ADD2: variants seen among roughly 807,000 people sequenced by gnomAD.
ADD2 encodes the protein adducin 2.
In ADD2, 23 loss-of-function variants were observed where a neutral mutation model predicts 83.0. The ratio of observed to expected loss-of-function variants is 0.28; its 90% confidence interval spans 0.20 to 0.39. ADD2 has a LOEUF of 0.39. ADD2 is among the 10% of genes least tolerant of loss of function. ADD2 has a pLI of 1.00. For missense variants in ADD2, 758 were observed against 944.9 expected, an observed-to-expected ratio of 0.80 and a Z score of 2.59; for synonymous variants, 375 against 375.4, an observed-to-expected ratio of 1.00 and a Z score of 0.01.
At chr2:70,746,995 A>G (rs1277082806) in intron 1 of ADD2, among the ~76,000 whole-genome samples, 2 of 150,094 alleles carry the variant, frequency 1.3e-5, no homozygotes, top group African/African-American at 4.9e-5. Flanking sequence ...AGGAGCTAAC[A>G]GTCCAATATG....
intron 1 of ADD2, among the ~76,000 whole-genome samples, chr2:70,714,036 G>C (rs1375966554): frequency 6.6e-6 from 1 of 151,898 alleles, no homozygotes; most frequent in Non-Finnish European, 1.5e-5. Flanking sequence ...GCTAATACCT[G>C]GATAAAAGGT....
intron 4 of ADD2, 55 bp downstream of exon 4, chr2:70,704,266 C>CCCCCCCCCCCCCCCCCCCCA: frequency 3.1e-6 from 2 of 650,836 alleles, no homozygotes; most frequent in Non-Finnish European, 5.1e-6. Context: ...CCTCTCTTCC[C>CCCCCCCCCCCCCCCCCCCCA]CACCCCACCC....
chr2:70,737,030 A>G (rs1476373296), intron 1 of ADD2, among the ~76,000 whole-genome samples: 1 of 152,142 alleles, frequency 6.6e-6, no homozygotes, highest in Non-Finnish European at 1.5e-5. Flanking sequence ...ATGAGATACC[A>G]TCTCACACCA....
At chr2:70,757,161 T>C (rs1298139147) in intron 1 of ADD2, among the ~76,000 whole-genome samples, 1 of 152,124 alleles carries the variant, frequency 6.6e-6, no homozygotes, top group Non-Finnish European at 1.5e-5. Flanking sequence ...AGAAAGTCAC[T>C]AGACAATGAT....
In ADD2 at chr2:70,768,042, C is replaced by G; in HGVS notation, c.-310G>C. 7.0e-7 allele frequency: 1 copy of G among 1,437,318 alleles called. No individual in the cohort carries two copies. Among genetic ancestry groups the G allele is most frequent in the Non-Finnish European group, 9.3e-7 (1 of 1,073,632 alleles). 89.0% of individuals were successfully genotyped at this position (1,437,318 alleles called of 1,614,324 possible). On this transcript the variant is annotated 5_prime_UTR_variant, in exon 1 of 16. Coordinates refer to ENST00000264436, the MANE Select transcript of ADD2 (RefSeq NM_001617.4). ...CTGCAGCCCGCGCTCGTCAGAGCTG[C>G]TGGGAGATCCCCCAGCAGTGCAGCG...
At position 70,706,506 on chromosome 2, in the gene ADD2, A is replaced by C. The variant is rs73939914; in HGVS notation, c.-34-64T>G. On this transcript the variant is annotated intron_variant, in intron 2 of 15. Coordinates refer to ENST00000264436, the MANE Select transcript of ADD2 (RefSeq NM_001617.4). This position sits in a 1 kb window ranked among gnomAD's most constrained non-coding sequence, Gnocchi z 5.0. ...CTCCCCATCGGGGTACACGTTTCTCAGAGCACAGGGCTAGGTTCAGTTGGA... is the reference window on the plus strand; with the variant it reads ...CTCCCCATCGGGGTACACGTTTCTCCGAGCACAGGGCTAGGTTCAGTTGGA... The C allele has an allele frequency of 2.6e-3, 3,693 of 1,406,174 alleles. 84 individuals carry two copies. In the African/African-American group the frequency reaches 0.047, roughly 18 times the overall value. The allele number at this position is 1,406,174 out of a possible 1,614,324, so 87.1% of individuals were successfully genotyped here.
chr2:70,672,364 G>T (rs1553367225), intron 15 of ADD2, among the ~76,000 whole-genome samples: 1 of 152,220 alleles, frequency 6.6e-6, no homozygotes, highest in Non-Finnish European at 1.5e-5. Context: ...ACTTTTCTGA[G>T]TTTTCCTTAA....
At chr2:70,699,295 T>G (rs1671465648) in intron 4 of ADD2, among the ~76,000 whole-genome samples, 1 of 152,000 alleles carries the variant, frequency 6.6e-6, no homozygotes, top group African/African-American at 2.4e-5. Flanking sequence ...GGAAAGTTCA[T>G]ATAAAGAAAA....
At chr2:70,761,873 A>G (rs1675123642) in intron 1 of ADD2, among the ~76,000 whole-genome samples, 1 of 151,332 alleles carries the variant, frequency 6.6e-6, no homozygotes, top group Non-Finnish European at 1.5e-5. Flanking sequence ...GGGTTTCACC[A>G]TATTAGCCAG....
chr2:70,700,903 T>A (rs1318546370), intron 4 of ADD2, among the ~76,000 whole-genome samples: 3 of 151,946 alleles, frequency 2.0e-5, no homozygotes, highest in Non-Finnish European at 4.4e-5. Flanking sequence ...AAACCCCAGA[T>A]GAAACTGAGG....
chr2:70,712,044 A>T (rs1422773138), intron 2 of ADD2, among the ~76,000 whole-genome samples: 4 of 152,208 alleles, frequency 2.6e-5, no homozygotes, highest in Non-Finnish European at 5.9e-5. Context: ...AACTGATGAC[A>T]GGGAATTGGT....
At chr2:70,714,380 C>T (rs1672355689) in intron 1 of ADD2, among the ~76,000 whole-genome samples, 1 of 152,124 alleles carries the variant, frequency 6.6e-6, no homozygotes, top group Non-Finnish European at 1.5e-5. Flanking sequence ...CGAAGAGACT[C>T]GTCCCACCAA....
At chr2:70,685,318 G>A (rs1670664620) in intron 9 of ADD2, among the ~76,000 whole-genome samples, 1 of 152,146 alleles carries the variant, frequency 6.6e-6, no homozygotes, top group Non-Finnish European at 1.5e-5. Flanking sequence ...ATGCCCCTGT[G>A]ATACTTCTCT....
intron 4 of ADD2, 50 bp downstream of exon 4, chr2:70,704,271 C>CCCCCCCCCCCCCCCCCCAA: frequency 1.6e-6 from 2 of 1,279,030 alleles, no homozygotes; most frequent in Non-Finnish European, 1.1e-6. Context: ...CTTCCCCACC[C>CCCCCCCCCCCCCCCCCCAA]CACCCTCCCC....
intron 14 of ADD2, chr2:70,673,364 CAG>C (rs1558521171): frequency 6.3e-7 from 1 of 1,592,376 alleles, no homozygotes; most frequent in South Asian, 1.1e-5. Flanking sequence ...GTCGTGAGCA[CAG>C]AGCACATCAA....
At chr2:70,694,091 C>T (rs1478368958) in intron 6 of ADD2, among the ~76,000 whole-genome samples, 2 of 152,228 alleles carry the variant, frequency 1.3e-5, no homozygotes, top group Admixed American at 6.5e-5. Flanking sequence ...AACTGCACAA[C>T]CACACACAGC....
intron 8 of ADD2, among the ~76,000 whole-genome samples, chr2:70,688,509 T>C (rs1176324012): frequency 2.0e-5 from 3 of 152,252 alleles, no homozygotes; most frequent in African/African-American, 7.2e-5. Context: ...GAAAAACTGC[T>C]GTGTATATTA....
intron 1 of ADD2, among the ~76,000 whole-genome samples, chr2:70,723,362 C>T (rs938659006): frequency 6.6e-6 from 1 of 151,494 alleles, no homozygotes; most frequent in Non-Finnish European, 1.5e-5. Context: ...AATCATTCCT[C>T]ATATGGATTC....
In ADD2 at chr2:70,658,206, G is replaced by A. The variant is rs1359164933; in HGVS notation, c.*5219C>T. On this transcript the variant is annotated 3_prime_UTR_variant, in exon 16 of 16. Coordinates refer to ENST00000264436, the MANE Select transcript of ADD2 (RefSeq NM_001617.4). Reference sequence around the variant, plus strand: ...TGATGAAAGGTGTTCTCCACTAAGGGACACCCCACTGAAGTCCCCACACTG... The same window carrying A: ...TGATGAAAGGTGTTCTCCACTAAGGAACACCCCACTGAAGTCCCCACACTG... 1 of 152,180 alleles carries A rather than the reference G, an allele frequency of 6.6e-6. No individual in the cohort carries two copies. 9.4% of individuals were successfully genotyped at this position (152,180 alleles called of 1,614,324 possible).
Sources: allele counts gnomAD v4.1 joint callset (sites outside exome capture counted in the v4.1 genomes callset), GRCh38; gene constraint gnomAD v4.1.1; non-coding constraint Gnocchi (gnomAD v3.1); transcripts MANE v1.5; gene names NCBI Gene and HGNC (gene_info 2026-07-23, HGNC 2026-07-21).